The following NMNAT3 variants were observed in gnomAD, a reference collection of about 807,000 sequenced individuals.
NMNAT3 encodes the protein nicotinamide nucleotide adenylyltransferase 3.
Under a neutral mutation model 24.8 loss-of-function variants are expected in NMNAT3, and 21 were observed. The observed-to-expected ratio is 0.85, with a 90% CI of 0.60 to 1.22. NMNAT3 has a LOEUF of 1.22. Among genes scored for constraint, NMNAT3 ranks in the 50% most tolerant of loss-of-function variants. The pLI is 0.00. For missense variants in NMNAT3, 387 were observed against 436.6 expected, an observed-to-expected ratio of 0.89 and a Z score of 1.01; for synonymous variants, 136 against 155.2, an observed-to-expected ratio of 0.88 and a Z score of 0.92.
intron 1 of NMNAT3, among the ~76,000 whole-genome samples, chr3:139,676,887 G>T (rs2057945385): frequency 6.6e-6 from 1 of 152,172 alleles, no homozygotes; most frequent in Non-Finnish European, 1.5e-5. Context: ...ATCAAGCCTT[G>T]GATGTTTAGT....
intron 1 of NMNAT3, among the ~76,000 whole-genome samples, chr3:139,673,853 C>T (rs1277597880): frequency 2.0e-5 from 3 of 151,892 alleles, no homozygotes; most frequent in African/African-American, 7.3e-5. Flanking sequence ...AACACTTGGT[C>T]CAAAGCTGTG....
intron 6 of NMNAT3, among the ~76,000 whole-genome samples, chr3:139,564,937 A>G (rs1189053264): frequency 6.6e-6 from 1 of 152,236 alleles, no homozygotes; most frequent in Non-Finnish European, 1.5e-5. Context: ...TGCTTTCTAC[A>G]AAACACCATC....
At chr3:139,567,256 T>G (rs2108011159) in intron 6 of NMNAT3, 1 of 151,692 alleles carries the variant, frequency 6.6e-6, no homozygotes, top group East Asian at 1.9e-4. Flanking sequence ...GAGGAGATTT[T>G]GGGCTGAGAC....
chr3:139,560,951 A>G lies in NMNAT3; in HGVS notation c.*59T>C. On this transcript the variant is annotated 3_prime_UTR_variant, in exon 7 of 7. Transcript: ENST00000643695. ...AAACCAAAGTAAAACAGAAACCTTA[A>G]CAGCCCTCTCCCCAGCAGGAGCTTG... The G allele has an allele frequency of 6.5e-7, 1 of 1,529,994 alleles. No individual in the cohort carries two copies. The allele number at this position is 1,529,994 out of a possible 1,614,324, so 94.8% of individuals were successfully genotyped here.
chr3:139,595,335 T>C (rs1355750770), intron 3 of NMNAT3, among the ~76,000 whole-genome samples: 2 of 152,166 alleles, frequency 1.3e-5, no homozygotes, highest in African/African-American at 4.8e-5. Flanking sequence ...TGGAAGAACA[T>C]TCCATGCTCA....
rs540198000 is a variant in NMNAT3, at chr3:139,668,081, C to T, written c.-141+9624G>A. Among the ~76,000 whole-genome samples, 5 of 152,206 alleles carry T rather than the reference C, an allele frequency of 3.3e-5. No individual in the cohort carries two copies. In the South Asian group the frequency reaches 1.0e-3, roughly 32 times the overall value. On this transcript the variant is annotated intron_variant, in intron 1 of 6. Transcript: ENST00000643695. Reference sequence around the variant, plus strand: ...AGGTGTAACGTACAGGCAAGAGGAACCCAAGGGAAGAATCTTGGGGATGCC... The same window carrying T: ...AGGTGTAACGTACAGGCAAGAGGAATCCAAGGGAAGAATCTTGGGGATGCC...
chr3:139,674,323 A>T (rs748942353), intron 1 of NMNAT3, among the ~76,000 whole-genome samples: 1 of 152,224 alleles, frequency 6.6e-6, no homozygotes, highest in Admixed American at 6.5e-5. Context: ...ATGATGAAGG[A>T]ATCATGAGTC....
intron 3 of NMNAT3, among the ~76,000 whole-genome samples, chr3:139,594,175 T>A (rs7613133): frequency 0.016 from 2,496 of 152,282 alleles, 73 homozygotes; most frequent in African/African-American, 0.057. Context: ...CAGAGAATAC[T>A]ACAAACAACT....
intron 3 of NMNAT3, among the ~76,000 whole-genome samples, chr3:139,607,817 A>T (rs1320676428): frequency 6.6e-6 from 1 of 152,094 alleles, no homozygotes; most frequent in Non-Finnish European, 1.5e-5. Context: ...TAAGCCACCA[A>T]TTTCATTAGT....
chr3:139,565,731 A>T (rs1328351095), intron 6 of NMNAT3: 1 of 152,146 alleles, frequency 6.6e-6, no homozygotes, highest in Non-Finnish European at 1.5e-5. Context: ...CATGGTGTAT[A>T]TGTGCCACAT....
chr3:139,620,075 T>G (rs1365112035), intron 3 of NMNAT3, among the ~76,000 whole-genome samples: 1 of 152,212 alleles, frequency 6.6e-6, no homozygotes, highest in Non-Finnish European at 1.5e-5. Context: ...GGTATTTAGT[T>G]TATACGTCTT....
At chr3:139,676,947 A>G (rs1456722713) in intron 1 of NMNAT3, among the ~76,000 whole-genome samples, 1 of 152,174 alleles carries the variant, frequency 6.6e-6, no homozygotes, top group African/African-American at 2.4e-5. Context: ...ATTTACATTC[A>G]CCATTTCCAT....
At chr3:139,563,980 A>G (rs1936809595) in intron 6 of NMNAT3, among the ~76,000 whole-genome samples, 1 of 152,190 alleles carries the variant, frequency 6.6e-6, no homozygotes, top group Non-Finnish European at 1.5e-5. Context: ...AAATTTACAT[A>G]GACTGTGAGG....
Position 139,642,755 on chromosome 3 carries a change from G to A in NMNAT3, c.-140-4693C>T, listed in dbSNP as rs568522442. Among the ~76,000 whole-genome samples, 15 of 152,148 alleles carry A rather than the reference G, an allele frequency of 9.9e-5. No individual in the cohort carries two copies. In the South Asian group the frequency reaches 2.9e-3, roughly 29 times the overall value. ...CCACAGTGGGGCTTCCTTCATTGTG[G>A]TGTCCTGACTCCCCCTCTTCAGAGG... is the stretch of plus-strand genomic sequence containing the variant. On this transcript the variant is annotated intron_variant, in intron 1 of 6. Transcript: ENST00000643695.
chr3:139,629,431 A>T (rs148329601), intron 2 of NMNAT3, among the ~76,000 whole-genome samples: 248 of 152,388 alleles, frequency 1.6e-3, no homozygotes, highest in African/African-American at 5.7e-3. Context: ...CACGACCCAC[A>T]GAAACTGTGA....
chr3:139,588,317 C>A (rs930255457), intron 3 of NMNAT3, among the ~76,000 whole-genome samples: 1 of 152,104 alleles, frequency 6.6e-6, no homozygotes, highest in African/African-American at 2.4e-5. Context: ...GGTAACACGA[C>A]GAGCACATTA....
Position 139,561,200 on chromosome 3 carries a change from T to G in NMNAT3, c.851A>C (p.His284Pro). ...ATTCTGCACAGGCTCCTTGGCCAGG[T>G]GAATGTTGTGCTGGTGCATCCGTAG... Residue 284 changes from histidine to proline, a missense_variant, in exon 7 of 7, where the codon CAC becomes CCC. His to Pro is a moderately conservative substitution (Grantham distance 77). This residue lies in a region of NMNAT3 where 323 missense variants were observed against 345.2 expected (regional missense o/e 0.94). Coordinates refer to ENST00000643695, the MANE Select transcript of NMNAT3 (RefSeq NM_001320510.2). 6.2e-7 allele frequency: 1 copy of G among 1,614,148 alleles called. No homozygotes were observed. Among genetic ancestry groups the G allele is most frequent in the Non-Finnish European group, 8.5e-7 (1 of 1,180,036 alleles).
chr3:139,624,910 T>G (rs1407273972), intron 3 of NMNAT3, among the ~76,000 whole-genome samples: 2 of 152,246 alleles, frequency 1.3e-5, no homozygotes, highest in African/African-American at 2.4e-5. Context: ...ATTTTCTGTG[T>G]GCTTATTCTA....
intron 6 of NMNAT3, chr3:139,568,717 T>A (rs1038717835): frequency 1.3e-5 from 2 of 152,232 alleles, no homozygotes; most frequent in Non-Finnish European, 2.9e-5. Flanking sequence ...CAGTTTGTTA[T>A]AATTTCTGTT....
Sources: allele counts gnomAD v4.1 joint callset (sites outside exome capture counted in the v4.1 genomes callset), GRCh38; gene constraint gnomAD v4.1.1; regional missense constraint gnomAD v4.1.1; transcripts MANE v1.5; gene names NCBI Gene and HGNC (gene_info 2026-07-23, HGNC 2026-07-21).